The following HTR1F variants were observed in gnomAD, a reference collection of about 807,000 sequenced individuals.
HTR1F encodes the protein 5-hydroxytryptamine receptor 1F.
In HTR1F, 17 loss-of-function variants were observed where a neutral mutation model predicts 24.0. The ratio of observed to expected loss-of-function variants is 0.71; its 90% CI spans 0.48 to 1.06. The LOEUF (loss-of-function observed/expected upper bound fraction) is 1.06. HTR1F is among the 50% of genes least tolerant of loss of function. The probability of loss-of-function intolerance (pLI) is 0.00; values close to 1 mark genes in which losing one functional copy is unlikely to be tolerated. For missense variants in HTR1F, 391 were observed against 427.8 expected, an observed-to-expected ratio of 0.91 and a Z score of 0.76; for synonymous variants, 186 against 156.8, an observed-to-expected ratio of 1.19 and a Z score of -1.39.
intron 2 of HTR1F, among the ~76,000 whole-genome samples, chr3:87,941,808 C>T (rs1704575777): frequency 6.6e-6 from 1 of 152,132 alleles, no homozygotes; most frequent in African/African-American, 2.4e-5. Flanking sequence ...TTAGGCATAG[C>T]TGGGTATAGA....
chr3:87,939,486 G>T (rs1201184139), intron 2 of HTR1F, among the ~76,000 whole-genome samples: 2 of 152,148 alleles, frequency 1.3e-5, no homozygotes, highest in Non-Finnish European at 2.9e-5. Context: ...GAATCCAGCT[G>T]TAAATCCATC....
In HTR1F at chr3:87,945,620, G is replaced by A. The variant is rs150616489; in HGVS notation, c.-42-45088G>A. ...CGGCTTCCCCAAGAAAATTGAAAGC[G>A]GAAGCTGGTTCTAGGCAGATGAATG... On this transcript the variant is annotated intron_variant, in intron 2 of 2. Coordinates refer to ENST00000319595, the MANE Select transcript of HTR1F (RefSeq NM_001322209.2). 1.1e-3 allele frequency among the ~76,000 whole-genome samples: 174 copies of A among 152,188 alleles called. 1 individual carries two copies. The highest frequency in any genetic ancestry group is 3.1e-3 in the African/African-American group (128 of 41,540).
At chr3:87,901,566 C>T (rs901816569) in intron 2 of HTR1F, among the ~76,000 whole-genome samples, 5 of 152,120 alleles carry the variant, frequency 3.3e-5, no homozygotes, top group African/African-American at 7.2e-5. Flanking sequence ...GGCTTACTTC[C>T]GGCTTCAAAT....
At chr3:87,975,287 T>A (rs1240358312) in intron 2 of HTR1F, among the ~76,000 whole-genome samples, 1 of 151,572 alleles carries the variant, frequency 6.6e-6, no homozygotes, top group Non-Finnish European at 1.5e-5. Context: ...AATCCAAATC[T>A]CAAAAAAAAA....
At chr3:87,954,041 GA>G (rs1704891391) in intron 2 of HTR1F, among the ~76,000 whole-genome samples, 2 of 151,716 alleles carry the variant, frequency 1.3e-5, no homozygotes, top group South Asian at 4.1e-4. Context: ...AATGGGTGGC[GA>G]GGTGGTGGGC....
intron 2 of HTR1F, among the ~76,000 whole-genome samples, chr3:87,829,060 TA>T (rs1226794509): frequency 6.1e-5 from 9 of 147,992 alleles, no homozygotes; most frequent in South Asian, 2.1e-4. Flanking sequence ...AAAAAAAAGT[TA>T]AAAAAAAAAG....
Position 87,942,413 on chromosome 3 carries a change from G to A in HTR1F, c.-42-48295G>A, listed in dbSNP as rs527972088. 1.5e-3 allele frequency among the ~76,000 whole-genome samples: 221 copies of A among 152,200 alleles called. 1 individual carries two copies. Among genetic ancestry groups the A allele is most frequent in the African/African-American group, 5.0e-3 (207 of 41,516 alleles). ...ACAGTTAACCTCCTGGCCCTCAATG[G>A]TCAAGCATACCCGGGGCTCTGTGAG... On this transcript the variant is annotated intron_variant, in intron 2 of 2. Coordinates refer to ENST00000319595, the MANE Select transcript of HTR1F (RefSeq NM_001322209.2).
chr3:87,978,496 G>A (rs980477186), intron 2 of HTR1F, among the ~76,000 whole-genome samples: 2 of 152,166 alleles, frequency 1.3e-5, no homozygotes, highest in African/African-American at 4.8e-5. Flanking sequence ...TACAGCAACA[G>A]TACAGCTCTC....
intron 2 of HTR1F, among the ~76,000 whole-genome samples, chr3:87,876,073 C>A (rs77592552): frequency 6.6e-6 from 1 of 152,026 alleles, no homozygotes; most frequent in Non-Finnish European, 1.5e-5. Context: ...CACATTTATA[C>A]GTCCACTACT....
chr3:87,992,012 G>T lies in HTR1F; in HGVS notation c.*162G>T, dbSNP rs1705848317. On this transcript the variant is annotated 3_prime_UTR_variant, in exon 3 of 3. Transcript: ENST00000319595. ...TTTTAATAGCAATGTGAATATAAAA[G>T]TTATTGATCACCACTATTCTAGGGT... 1 of 543,346 alleles carries T rather than the reference G, an allele frequency of 1.8e-6. No homozygotes were observed. The highest frequency in any genetic ancestry group is 3.2e-6 in the Non-Finnish European group (1 of 316,480). The allele number at this position is 543,346 out of a possible 1,614,324, so 33.7% of individuals were successfully genotyped here.
chr3:87,832,881 A>C (rs1704611258), intron 2 of HTR1F, among the ~76,000 whole-genome samples: 1 of 152,188 alleles, frequency 6.6e-6, no homozygotes, highest in South Asian at 2.1e-4. Context: ...TAGTAAGTAG[A>C]TAGATAGAGA....
chr3:87,900,545 G>T (rs545627182), intron 2 of HTR1F, among the ~76,000 whole-genome samples: 1 of 152,294 alleles, frequency 6.6e-6, no homozygotes, highest in South Asian at 2.1e-4. Context: ...CCATCACGAA[G>T]GTGGTAAGGG....
intron 2 of HTR1F, among the ~76,000 whole-genome samples, chr3:87,946,494 A>G (rs1396263814): frequency 2.0e-5 from 3 of 151,726 alleles, no homozygotes; most frequent in Admixed American, 2.0e-4. Flanking sequence ...GAATAAAACA[A>G]ATACAAATTT....
chr3:87,859,564 G>C (rs1705272730), intron 2 of HTR1F, among the ~76,000 whole-genome samples: 1 of 152,172 alleles, frequency 6.6e-6, no homozygotes, highest in Non-Finnish European at 1.5e-5. Flanking sequence ...CCTTGGAGCA[G>C]CCCGGCATAC....
intron 2 of HTR1F, among the ~76,000 whole-genome samples, chr3:87,936,013 G>C (rs760794530): frequency 6.6e-6 from 1 of 152,082 alleles, no homozygotes; most frequent in East Asian, 1.9e-4. Flanking sequence ...ACTACATCTG[G>C]CTAATTTTTC....
intron 2 of HTR1F, among the ~76,000 whole-genome samples, chr3:87,842,179 T>G (rs891151116): frequency 6.6e-6 from 1 of 151,910 alleles, no homozygotes; most frequent in African/African-American, 2.4e-5. Context: ...TTTGTTTTTT[T>G]GAGACAGAGT....
In HTR1F at chr3:87,879,576, C is replaced by T. The variant is rs1291491476; in HGVS notation, c.-43+57452C>T. Among the ~76,000 whole-genome samples, 4 of 152,076 alleles carry T rather than the reference C, an allele frequency of 2.6e-5. No individual in the cohort carries two copies. In the South Asian group the frequency reaches 6.2e-4, roughly 24 times the overall value. ...TTTTAATTATATTTAACTGTAATGGCATCATAAGAACATTCTAGGATATGT... is the reference window on the plus strand; with the variant it reads ...TTTTAATTATATTTAACTGTAATGGTATCATAAGAACATTCTAGGATATGT... On this transcript the variant is annotated intron_variant, in intron 2 of 2. Coordinates refer to ENST00000319595, the MANE Select transcript of HTR1F (RefSeq NM_001322209.2).
intron 2 of HTR1F, among the ~76,000 whole-genome samples, chr3:87,934,469 C>T (rs1286472326): frequency 2.0e-5 from 3 of 152,174 alleles, no homozygotes; most frequent in Non-Finnish European, 4.4e-5. Context: ...TTTTTATTCC[C>T]TGATATCAAG....
intron 2 of HTR1F, among the ~76,000 whole-genome samples, chr3:87,841,489 G>A (rs1704801322): frequency 1.3e-5 from 2 of 151,888 alleles, no homozygotes; most frequent in Admixed American, 1.3e-4. Context: ...ACAAATATAT[G>A]AAAGTGCAAG....
Sources: allele counts gnomAD v4.1 joint callset (sites outside exome capture counted in the v4.1 genomes callset), GRCh38; gene constraint gnomAD v4.1.1; transcripts MANE v1.5; gene names NCBI Gene and HGNC (gene_info 2026-07-23, HGNC 2026-07-21).